Variants in DTNA observed in about 807,000 individuals in gnomAD.
DTNA encodes dystrobrevin alpha, also known as dystrophin-related protein 3.
DTNA carries 43 observed loss-of-function variants against 100.7 expected under a neutral mutation model. That is an observed-to-expected ratio of 0.43 (90% CI 0.33 to 0.55). The LOEUF (loss-of-function observed/expected upper bound fraction) is 0.55, where lower values mean the gene tolerates loss of function less well. DTNA is among the 20% of genes least tolerant of loss of function. The pLI is 0.04. For missense variants in DTNA, 798 were observed against 953.9 expected (o/e 0.84, Z 2.15); for synonymous variants, 349 against 347.9 (o/e 1.00, Z -0.04).
chr18:34,553,801 C>T (rs1335199205), intron 1 of DTNA, among the ~76,000 whole-genome samples: 1 of 151,180 alleles, frequency 6.6e-6, no homozygotes, highest in East Asian at 1.9e-4. Flanking sequence ...AGTTTGAAGT[C>T]AGATAGTGTG....
chr18:34,698,663 C>A (rs2146090255), intron 1 of DTNA, among the ~76,000 whole-genome samples: 1 of 152,266 alleles, frequency 6.6e-6, no homozygotes, highest in Non-Finnish European at 1.5e-5. Context: ...AGGCTGTCTG[C>A]AAGCTGAGGA....
intron 1 of DTNA, among the ~76,000 whole-genome samples, chr18:34,594,318 C>T (rs1048779337): frequency 2.6e-5 from 4 of 152,148 alleles, no homozygotes; most frequent in African/African-American, 9.7e-5. Context: ...ATGTTTTGCC[C>T]ATGTATAGGT....
At position 34,889,019 on chromosome 18, in the gene DTNA, A is replaced by G. The variant is rs2096946612; in HGVS notation, c.*1285A>G. 1 of 985,784 alleles carries G rather than the reference A, an allele frequency of 1.0e-6. No individual in the cohort carries two copies. The highest frequency in any genetic ancestry group is 6.1e-5 in the Admixed American group (1 of 16,272). The allele number at this position is 985,784 out of a possible 1,614,324, so 61.1% of individuals were successfully genotyped here. A position where few individuals can be genotyped will look rare whatever the true frequency, so the allele number is the denominator to read the frequency against. On this transcript the variant is annotated 3_prime_UTR_variant, in exon 23 of 23. Coordinates refer to ENST00000444659, the MANE Select transcript of DTNA (RefSeq NM_001386795.1). ...AAAGAGCTATCAAAGACAAGAGGATAAAAGACTGGGATAGTCTTTTCCAAG... is the reference window on the plus strand; with the variant it reads ...AAAGAGCTATCAAAGACAAGAGGATGAAAGACTGGGATAGTCTTTTCCAAG...
At chr18:34,829,614 G>A in intron 11 of DTNA, 125 bp downstream of exon 11, 1 of 999,918 alleles carries the variant, frequency 1.0e-6, no homozygotes, top group South Asian at 2.4e-5. Flanking sequence ...GTCTTCTGGG[G>A]TTTAATGAAA....
At chr18:34,847,502 G>T (rs906406807) in intron 13 of DTNA, among the ~76,000 whole-genome samples, 7 of 152,146 alleles carry the variant, frequency 4.6e-5, no homozygotes, top group African/African-American at 1.7e-4. Context: ...ATCCAGGTTT[G>T]GCTTAGCTAA....
intron 1 of DTNA, among the ~76,000 whole-genome samples, chr18:34,570,512 A>G (rs1319412069): frequency 6.6e-6 from 1 of 152,240 alleles, no homozygotes; most frequent in Non-Finnish European, 1.5e-5. Flanking sequence ...GTAAATGCTT[A>G]CTACAGAAAT....
intron 1 of DTNA, among the ~76,000 whole-genome samples, chr18:34,656,678 T>G (rs1340403135): frequency 1.3e-5 from 2 of 152,210 alleles, no homozygotes; most frequent in Admixed American, 1.3e-4. Flanking sequence ...ACACATAAAC[T>G]TTTAGAATAT....
intron 2 of DTNA, among the ~76,000 whole-genome samples, chr18:34,760,398 T>C (rs1381699849): frequency 6.6e-6 from 1 of 152,208 alleles, no homozygotes; most frequent in Non-Finnish European, 1.5e-5. Flanking sequence ...ACAATTTGTC[T>C]TTCTCTCAAG....
chr18:34,780,250 A>G (rs1276675971), intron 3 of DTNA, among the ~76,000 whole-genome samples: 6 of 152,218 alleles, frequency 3.9e-5, no homozygotes, highest in African/African-American at 1.4e-4. Flanking sequence ...ATAGTACAAA[A>G]GATATTAAGT....
At chr18:34,802,846 C>T (rs1341306462) in intron 4 of DTNA, among the ~76,000 whole-genome samples, 1 of 152,078 alleles carries the variant, frequency 6.6e-6, no homozygotes, top group Admixed American at 6.5e-5. Flanking sequence ...ACCATTATTT[C>T]CTACTCACAA....
intron 1 of DTNA, among the ~76,000 whole-genome samples, chr18:34,718,516 C>G (rs1195642313): frequency 6.6e-6 from 1 of 152,056 alleles, no homozygotes. Context: ...GCAGTATATC[C>G]AGGTTCATTT....
intron 1 of DTNA, among the ~76,000 whole-genome samples, chr18:34,540,120 T>C (rs1405791328): frequency 6.6e-6 from 1 of 151,962 alleles, no homozygotes; most frequent in Non-Finnish European, 1.5e-5. Context: ...ATCACCTTCA[T>C]TGAAAATAAT....
rs562109661 is a variant in DTNA at position 34,555,886 on chromosome 18, C to T, written c.-2+62372C>T. Among the ~76,000 whole-genome samples the T allele has an allele frequency of 1.1e-3, 166 of 152,114 alleles. 1 individual carries two copies. The highest frequency in any genetic ancestry group is 3.7e-3 in the African/African-American group (152 of 41,486). ...GAGAGTTCTTAGATGTCTATTAGGT[C>T]CGCTTGGTGCAGAGCTGAGTTCAAT... On this transcript the variant is annotated intron_variant, in intron 1 of 19. Coordinates refer to the DTNA transcript ENST00000283365.
chr18:34,639,470 T>C (rs530781565), intron 1 of DTNA, among the ~76,000 whole-genome samples: 3 of 152,236 alleles, frequency 2.0e-5, no homozygotes, highest in African/African-American at 4.8e-5. Flanking sequence ...GGATAAATAA[T>C]AGAATTGCAG....
At chr18:34,515,959 C>T (rs567671164) in intron 1 of DTNA, among the ~76,000 whole-genome samples, 23 of 152,124 alleles carry the variant, frequency 1.5e-4, no homozygotes, top group Non-Finnish European at 3.2e-4. Context: ...CTCAATGTCA[C>T]ACACTAAATT....
At chr18:34,636,935 A>C (rs1306775908) in intron 1 of DTNA, among the ~76,000 whole-genome samples, 1 of 152,138 alleles carries the variant, frequency 6.6e-6, no homozygotes, top group Non-Finnish European at 1.5e-5. Flanking sequence ...ATTGATGCTC[A>C]ATGGATGCTT....
intron 17 of DTNA, among the ~76,000 whole-genome samples, chr18:34,871,622 C>T (rs1054190653): frequency 1.3e-5 from 2 of 152,186 alleles, no homozygotes; most frequent in African/African-American, 4.8e-5. Context: ...ACCATCCCAC[C>T]GAGGCCACTT....
chr18:34,569,792 A>G (rs1249114065), intron 1 of DTNA, among the ~76,000 whole-genome samples: 13 of 152,036 alleles, frequency 8.6e-5, no homozygotes, highest in Admixed American at 8.5e-4. Flanking sequence ...TAAGGCCTTT[A>G]GCTGATGGGA....
chr18:34,612,878 CATA>C (rs2054515076), intron 1 of DTNA, among the ~76,000 whole-genome samples: 1 of 152,198 alleles, frequency 6.6e-6, no homozygotes, highest in South Asian at 2.1e-4. Flanking sequence ...ATAAGCCAAT[CATA>C]ATGAGTCCAC....
Sources: gnomAD v4.1 joint callset for allele counts (sites outside exome capture counted in the v4.1 genomes callset) on GRCh38, gnomAD v4.1.1 for gene constraint, MANE v1.5 for transcripts, NCBI Gene and HGNC (gene_info 2026-07-23, HGNC 2026-07-21) for gene names.